Variants in SKOR2 observed in about 807,000 individuals in gnomAD.
SKOR2 encodes SKI family transcriptional corepressor 2.
In SKOR2, 47 loss-of-function variants were observed where a neutral mutation model predicts 69.1. That is an observed-to-expected ratio of 0.68 (90% CI 0.54 to 0.87). The LOEUF (loss-of-function observed/expected upper bound fraction) is 0.87. SKOR2 is among the 40% of genes least tolerant of loss of function. SKOR2 has a pLI of 0.00. For missense variants in SKOR2, 1,404 were observed against 1,472.2 expected (o/e 0.95, Z 0.76); for synonymous variants, 717 against 672.6 (o/e 1.07, Z -1.02).
At chr18:47,228,272 T>C (rs1259969226) in intron 6 of SKOR2, among the ~76,000 whole-genome samples, 1 of 152,224 alleles carries the variant, frequency 6.6e-6, no homozygotes, top group Non-Finnish European at 1.5e-5. Context: ...GTGGAGTATG[T>C]TGCAGATGAA....
chr18:47,241,728 T>G (rs2064249707), intron 4 of SKOR2, among the ~76,000 whole-genome samples: 1 of 152,214 alleles, frequency 6.6e-6, no homozygotes, highest in Non-Finnish European at 1.5e-5. Flanking sequence ...AATTTGCTTA[T>G]TTTGATAATA....
At chr18:47,215,620 A>G (rs2144480400) in intron 7 of SKOR2, among the ~76,000 whole-genome samples, 1 of 152,318 alleles carries the variant, frequency 6.6e-6, no homozygotes, top group Non-Finnish European at 1.5e-5. Context: ...ACCGTGAACA[A>G]AACATTAGTC....
chr18:47,216,679 A>G (rs1600025690), intron 7 of SKOR2, among the ~76,000 whole-genome samples: 1 of 152,310 alleles, frequency 6.6e-6, no homozygotes, highest in East Asian at 1.9e-4. Context: ...TTGAATAGAA[A>G]CACTTTTTAA....
Position 47,247,213 on chromosome 18 carries a change from ATGG to A in SKOR2, c.1968_1970del (p.His659del), listed in dbSNP as rs748997175. ...GGTGGTGGTGGTGGTGAGGGTGGTG[ATGG>A]TGGTGGGGATGCGTCTGGGCCGAGT... On this transcript the variant is annotated inframe_deletion, in exon 2 of 9. Transcript: ENST00000425639. This position sits in a 1 kb window ranked among gnomAD's most constrained non-coding sequence, Gnocchi z 6.6. 7.0e-7 allele frequency: 1 copy of A among 1,420,796 alleles called. No individual in the cohort carries two copies. Among genetic ancestry groups the A allele is most frequent in the Non-Finnish European group, 9.2e-7 (1 of 1,089,356 alleles). 88.0% of individuals were successfully genotyped at this position (1,420,796 alleles called of 1,614,324 possible). A position where few individuals can be genotyped will look rare whatever the true frequency, so the allele number is the denominator to read the frequency against.
intron 1 of SKOR2, among the ~76,000 whole-genome samples, chr18:47,250,953 C>T (rs2064309808): frequency 1.3e-5 from 2 of 152,198 alleles, no homozygotes; most frequent in South Asian, 4.1e-4. Context: ...TCTCGCTCCC[C>T]AGCAAGGCGC....
At chr18:47,210,615 A>T (rs2064125069) in intron 8 of SKOR2, among the ~76,000 whole-genome samples, 1 of 152,196 alleles carries the variant, frequency 6.6e-6, no homozygotes, top group South Asian at 2.1e-4. Flanking sequence ...TAAAATTTTC[A>T]TTTCACACTG....
chr18:47,234,916 G>C (rs1479373304), intron 4 of SKOR2, among the ~76,000 whole-genome samples: 1 of 149,932 alleles, frequency 6.7e-6, no homozygotes, highest in Non-Finnish European at 1.5e-5. Context: ...TAACAGTGTA[G>C]AGTTGTAGGA....
intron 4 of SKOR2, 93 bp downstream of exon 4, chr18:47,244,815 C>A: frequency 8.4e-7 from 1 of 1,192,968 alleles, no homozygotes. Flanking sequence ...TTTATTTTTA[C>A]CCTTGTACTA....
At chr18:47,241,540 A>G (rs751163755) in intron 4 of SKOR2, among the ~76,000 whole-genome samples, 4 of 152,196 alleles carry the variant, frequency 2.6e-5, no homozygotes, top group African/African-American at 7.2e-5. Flanking sequence ...CTGACGGTGC[A>G]CCAAGTTAAG....
intron 4 of SKOR2, among the ~76,000 whole-genome samples, chr18:47,236,037 C>T (rs28666933): frequency 0.38 from 58,490 of 152,018 alleles, 11,952 homozygotes; most frequent in Middle Eastern, 0.48. Flanking sequence ...CAGGCTGGAG[C>T]GCACTCACAC....
At chr18:47,235,432 A>G (rs951005015) in intron 4 of SKOR2, among the ~76,000 whole-genome samples, 1 of 152,230 alleles carries the variant, frequency 6.6e-6, no homozygotes, top group African/African-American at 2.4e-5. Flanking sequence ...TTCCAAGTGC[A>G]CATTTGCAGG....
At chr18:47,236,456 C>T (rs1392104695) in intron 4 of SKOR2, among the ~76,000 whole-genome samples, 1 of 152,194 alleles carries the variant, frequency 6.6e-6, no homozygotes, top group African/African-American at 2.4e-5. Flanking sequence ...GCCTGTGTCC[C>T]CCTTATCCCC....
At position 47,248,265 on chromosome 18, in the gene SKOR2, T is replaced by C; in HGVS notation, c.919A>G (p.Lys307Glu). The change falls in exon 2 of 9, where the codon AAG becomes GAG. Residue 307 changes from lysine (K) to glutamate (E), a missense_variant. Lys to Glu is a moderately conservative substitution (Grantham distance 56, BLOSUM62 1). Around this residue, in one of 3 missense-constraint regions of SKOR2, gnomAD observed 1,266 missense variants for 1,309.9 expected, o/e 0.97. Transcript: ENST00000425639. The surrounding 1 kb of genome is among the most constrained non-coding windows in gnomAD (Gnocchi z 6.4). ...TCGTCGTCGTCGAAGCGCGGCCGCT[T>C]GTGATGGGCGTGCGGGGCACCAGCC... ...ELAGAPHAHH[K>E]RPRFDDDDDS... 1 of 1,218,988 alleles carries C rather than the reference T, an allele frequency of 8.2e-7. No homozygotes were observed. Among genetic ancestry groups the C allele is most frequent in the Non-Finnish European group, 1.0e-6 (1 of 981,874 alleles). 75.5% of individuals were successfully genotyped at this position (1,218,988 alleles called of 1,614,324 possible).
intron 8 of SKOR2, among the ~76,000 whole-genome samples, chr18:47,210,583 A>T (rs2064124993): frequency 6.6e-6 from 1 of 152,222 alleles, no homozygotes; most frequent in Non-Finnish European, 1.5e-5. Context: ...CTAAGTTAAA[A>T]TTCAGTGGAA....
At chr18:47,213,184 G>A (rs894372628) in intron 7 of SKOR2, among the ~76,000 whole-genome samples, 2 of 151,742 alleles carry the variant, frequency 1.3e-5, no homozygotes, top group Non-Finnish European at 2.9e-5. Context: ...CCCCGTTAAG[G>A]TGCTCTATCC....
chr18:47,220,844 C>T (rs1264130269), intron 6 of SKOR2, among the ~76,000 whole-genome samples: 1 of 152,158 alleles, frequency 6.6e-6, no homozygotes, highest in Non-Finnish European at 1.5e-5. Context: ...GATAGGGCAG[C>T]AGCTTGAGGA....
chr18:47,228,929 TA>T (rs1486629560), intron 6 of SKOR2, among the ~76,000 whole-genome samples: 3 of 152,224 alleles, frequency 2.0e-5, no homozygotes, highest in Admixed American at 2.0e-4. Flanking sequence ...ATAACTGAAG[TA>T]CCATGAGCTC....
intron 5 of SKOR2, 145 bp downstream of exon 5, chr18:47,230,790 C>T: frequency 1.3e-6 from 1 of 782,338 alleles, no homozygotes; most frequent in Non-Finnish European, 2.0e-6. Flanking sequence ...GCATTAATCT[C>T]AATTATATCC....
chr18:47,230,957 CT>C lies in SKOR2; in HGVS notation c.2795del (p.Lys932ArgfsTer3). ...TACCTTTCCCCATATTTTCTACATC[CT>C]TTTTCAGTGAATGAGGTGAGTTGGT... is the stretch of plus-strand genomic sequence containing the variant. ...QETNSPHSLKKDVENMGKEEL... is the reference protein window; with the variant it reads ...QETNSPHSLKXDVENMGKEEL... On this transcript the variant is annotated frameshift_variant, in exon 5 of 9. Coordinates refer to ENST00000425639, the MANE Select transcript of SKOR2 (RefSeq NM_001278063.4). LOFTEE classifies it high-confidence loss of function. 1 of 1,535,724 alleles carries C rather than the reference CT, an allele frequency of 6.5e-7. No individual in the cohort carries two copies. Among genetic ancestry groups the C allele is most frequent in the East Asian group, 2.4e-5 (1 of 40,850 alleles).
Sources: gnomAD v4.1 joint callset for allele counts (sites outside exome capture counted in the v4.1 genomes callset) on GRCh38, gnomAD v4.1.1 for gene constraint, gnomAD v4.1.1 regional missense constraint, Gnocchi (gnomAD v3.1) non-coding constraint, MANE v1.5 for transcripts, NCBI Gene and HGNC (gene_info 2026-07-23, HGNC 2026-07-21) for gene names.